The following RELN variants were observed in gnomAD, a reference collection of about 807,000 sequenced individuals.
The protein encoded by RELN is reelin.
A neutral mutation model predicts 427.6 loss-of-function variants in RELN; 108 were observed. That is an observed-to-expected ratio of 0.25 (90% CI 0.22 to 0.30). The LOEUF is 0.30. Ranked by LOEUF, RELN falls within the 10% of genes least tolerant of loss-of-function variation. RELN has a pLI of 1.00. For missense variants in RELN, 3,715 were observed against 4,302.8 expected (o/e 0.86, Z 3.82); for synonymous variants, 1,524 against 1,513.4 (o/e 1.01, Z -0.16).
intron 22 of RELN, 134 bp downstream of exon 22, chr7:103,610,561 A>G: frequency 1.5e-6 from 1 of 668,580 alleles, no homozygotes; most frequent in African/African-American, 1.8e-5. Context: ...AATAAAATAA[A>G]AAGAATAAAC....
chr7:103,524,674 A>G (rs1284936341), intron 46 of RELN, among the ~76,000 whole-genome samples: 1 of 152,224 alleles, frequency 6.6e-6, no homozygotes, highest in African/African-American at 2.4e-5. Flanking sequence ...GGCAGGACAA[A>G]AGACCAAACA....
intron 8 of RELN, among the ~76,000 whole-genome samples, chr7:103,719,274 T>C (rs1414600063): frequency 1.3e-5 from 2 of 152,126 alleles, no homozygotes; most frequent in Non-Finnish European, 2.9e-5. Flanking sequence ...TCCAATGTCT[T>C]GCCTGTATTC....
intron 1 of RELN, among the ~76,000 whole-genome samples, chr7:103,983,671 T>A (rs759153755): frequency 3.9e-5 from 6 of 152,180 alleles, no homozygotes; most frequent in Non-Finnish European, 8.8e-5. Context: ...GTTTTTGAAA[T>A]GAAAATACTT....
chr7:103,967,633 C>G (rs1026099395), intron 1 of RELN, among the ~76,000 whole-genome samples: 3 of 152,204 alleles, frequency 2.0e-5, no homozygotes, highest in African/African-American at 7.2e-5. Context: ...GTGAGCAAGG[C>G]TCCATCCTCA....
intron 43 of RELN, among the ~76,000 whole-genome samples, chr7:103,541,010 CT>C (rs1830166321): frequency 6.6e-6 from 1 of 152,122 alleles, no homozygotes; most frequent in Admixed American, 6.6e-5. Flanking sequence ...GGCCAGGCAT[CT>C]TTTGGAAGAG....
At chr7:103,668,208 TGACAGAGGGA>T (rs1371902254) in intron 11 of RELN, among the ~76,000 whole-genome samples, 1 of 152,164 alleles carries the variant, frequency 6.6e-6, no homozygotes, top group Admixed American at 6.5e-5. Flanking sequence ...CCAGCCTGGG[TGACAGAGGGA>T]GACTCTGTCT....
intron 6 of RELN, among the ~76,000 whole-genome samples, chr7:103,746,785 G>A (rs1465317493): frequency 6.6e-6 from 1 of 150,734 alleles, no homozygotes; most frequent in African/African-American, 2.5e-5. Flanking sequence ...AGAGGATGTG[G>A]AGAAATAGGA....
At chr7:103,841,748 C>T (rs144863708) in intron 2 of RELN, among the ~76,000 whole-genome samples, 3 of 152,222 alleles carry the variant, frequency 2.0e-5, no homozygotes, top group South Asian at 2.1e-4. Context: ...GTAGGCTACT[C>T]GCTTCCAAGA....
chr7:103,807,724 T>C (rs1792635461), intron 3 of RELN, among the ~76,000 whole-genome samples: 1 of 152,202 alleles, frequency 6.6e-6, no homozygotes, highest in African/African-American at 2.4e-5. Flanking sequence ...TTTAGTTTTC[T>C]GTTCTGCATT....
chr7:103,759,624 C>A (rs1351569077), intron 4 of RELN, among the ~76,000 whole-genome samples: 1 of 151,980 alleles, frequency 6.6e-6, no homozygotes, highest in African/African-American at 2.4e-5. Context: ...TTTAAAAAGT[C>A]ACTATTTTCA....
In RELN at chr7:103,551,098, C is replaced by A. The variant is rs898902759; in HGVS notation, c.6271G>T (p.Val2091Phe). 1 of 1,613,678 alleles carries A rather than the reference C, an allele frequency of 6.2e-7. No homozygotes were observed. Among genetic ancestry groups the A allele is most frequent in the Non-Finnish European group, 8.5e-7 (1 of 1,180,024 alleles). Residue 2091 changes from valine to phenylalanine, a missense_variant, in exon 41 of 65, where the codon GTC becomes TTC. Val to Phe is a conservative substitution (Grantham distance 50). Around this residue, in one of 4 missense-constraint regions of RELN, gnomAD observed 1,310 missense variants for 1,643.0 expected, o/e 0.80. Transcript: ENST00000428762. ...AGTMQGWRRE[V>F]VHFGKLHLCG... ...AGGTGCAGCTTCCCAAAGTGCACGACCTCCCTCCTCCAGCCCTGCATGGTT... is the reference window on the plus strand; with the variant it reads ...AGGTGCAGCTTCCCAAAGTGCACGAACTCCCTCCTCCAGCCCTGCATGGTT...
chr7:103,884,316 A>C (rs1463068294), intron 2 of RELN, among the ~76,000 whole-genome samples: 1 of 152,228 alleles, frequency 6.6e-6, no homozygotes, highest in African/African-American at 2.4e-5. Flanking sequence ...CAAGACCTGA[A>C]ACCATAAAAA....
chr7:103,618,252 A>T (rs1439751035), intron 20 of RELN, among the ~76,000 whole-genome samples: 1 of 152,206 alleles, frequency 6.6e-6, no homozygotes, highest in Non-Finnish European at 1.5e-5. Context: ...TTCCGTTTGT[A>T]ACTTGAACAG....
At chr7:103,839,138 G>A (rs772863133) in intron 2 of RELN, among the ~76,000 whole-genome samples, 1 of 152,094 alleles carries the variant, frequency 6.6e-6, no homozygotes, top group African/African-American at 2.4e-5. Context: ...TCATTATGGT[G>A]TCAATGTACA....
chr7:103,879,514 T>C (rs1794559043), intron 2 of RELN, among the ~76,000 whole-genome samples: 1 of 152,194 alleles, frequency 6.6e-6, no homozygotes, highest in East Asian at 1.9e-4. Context: ...GTCTTCCTAA[T>C]GCCAAAACAT....
At chr7:103,833,705 C>A in intron 2 of RELN, 33 bp from the exon 3 acceptor site, 1 of 1,599,008 alleles carries the variant, frequency 6.3e-7, no homozygotes, top group South Asian at 1.1e-5. Context: ...GTTACAAAGA[C>A]AACAAAACAA....
chr7:103,929,606 T>C (rs1795817534), intron 1 of RELN, among the ~76,000 whole-genome samples: 1 of 152,214 alleles, frequency 6.6e-6, no homozygotes, highest in Non-Finnish European at 1.5e-5. Context: ...ATTGAACTCA[T>C]GGCCAACAGC....
At chr7:103,793,571 T>C (rs1175067675) in intron 3 of RELN, among the ~76,000 whole-genome samples, 1 of 152,198 alleles carries the variant, frequency 6.6e-6, no homozygotes, top group Non-Finnish European at 1.5e-5. Context: ...TATTACCAGC[T>C]CTGTCATTAG....
intron 11 of RELN, among the ~76,000 whole-genome samples, chr7:103,662,386 C>G (rs962864906): frequency 2.0e-5 from 3 of 152,038 alleles, no homozygotes. Context: ...CTTTGGGAAG[C>G]CGGGGTGGGC....
Sources: allele counts gnomAD v4.1 joint callset (sites outside exome capture counted in the v4.1 genomes callset), GRCh38; gene constraint gnomAD v4.1.1; regional missense constraint gnomAD v4.1.1; transcripts MANE v1.5; gene names NCBI Gene and HGNC (gene_info 2026-07-23, HGNC 2026-07-21).